The following TENM2 variants were observed in gnomAD, a reference collection of about 807,000 sequenced individuals.
TENM2 encodes teneurin transmembrane protein 2, also known as teneurin-2.
A neutral mutation model predicts 245.2 loss-of-function variants in TENM2; 52 were observed. That is an observed-to-expected ratio of 0.21 (90% CI 0.17 to 0.27). TENM2 has a LOEUF of 0.27. TENM2 is among the 10% of genes least tolerant of loss of function. The probability of loss-of-function intolerance (pLI) is 1.00; values close to 1 mark genes in which losing one functional copy is unlikely to be tolerated. For synonymous variants in TENM2, 1,363 were observed against 1,438.9 expected (o/e 0.95, Z 1.19); for missense variants, 3,046 against 3,666.8 (o/e 0.83, Z 4.37).
chr5:167,163,715 G>A, the TENM2 span, among the ~76,000 whole-genome samples: 2 of 152,126 alleles, frequency 1.3e-5, no homozygotes, highest in Non-Finnish European at 2.9e-5. Context: ...AACATTACAG[G>A]GAAGATTTGG....
At chr5:167,927,047 G>C (rs1777821611) in intron 3 of TENM2, among the ~76,000 whole-genome samples, 1 of 151,946 alleles carries the variant, frequency 6.6e-6, no homozygotes, top group Non-Finnish European at 1.5e-5. Flanking sequence ...GTTTTAATTT[G>C]GACTTCTTGT....
chr5:167,598,914 G>C (rs565778117), intron 2 of TENM2, among the ~76,000 whole-genome samples: 1 of 152,186 alleles, frequency 6.6e-6, no homozygotes, highest in African/African-American at 2.4e-5. Flanking sequence ...TTACATTAAG[G>C]GTTCTTTTGA....
chr5:167,427,822 GGAAGGGACGGGAGGGAAGGAAGGGAA>G (rs1402101230), intron 2 of TENM2, among the ~76,000 whole-genome samples: 135 of 141,190 alleles, frequency 9.6e-4, no homozygotes, highest in African/African-American at 3.5e-3. Flanking sequence ...AGGAAGGGAA[GGAAGGGACGGGAGGGAAGGAAGGGAA>G]GAAGGAAGGA....
At chr5:167,141,432 G>A in the TENM2 span, among the ~76,000 whole-genome samples, 1 of 152,094 alleles carries the variant, frequency 6.6e-6, no homozygotes, top group African/African-American at 2.4e-5. Flanking sequence ...TATTCATACT[G>A]ACCAGGGTAA....
intron 3 of TENM2, among the ~76,000 whole-genome samples, chr5:167,887,118 C>T (rs895263703): frequency 6.6e-6 from 1 of 152,248 alleles, no homozygotes. Context: ...GCTTTCCCAA[C>T]CAACACTGCC....
chr5:167,770,165 T>A (rs1007518684), intron 2 of TENM2, among the ~76,000 whole-genome samples: 1 of 152,124 alleles, frequency 6.6e-6, no homozygotes, highest in Non-Finnish European at 1.5e-5. Flanking sequence ...TGAACAAAGG[T>A]AGGCACAGCC....
intron 7 of TENM2, among the ~76,000 whole-genome samples, chr5:168,073,558 G>T (rs557513182): frequency 1.3e-5 from 2 of 152,174 alleles, no homozygotes; most frequent in African/African-American, 4.8e-5. Flanking sequence ...AGTGACCTAG[G>T]GGGGCAGCCC....
At chr5:168,115,408 G>A (rs11747555) in intron 9 of TENM2, among the ~76,000 whole-genome samples, 34,535 of 122,560 alleles carry the variant, frequency 0.28, 6,419 homozygotes, top group Middle Eastern at 0.32. Flanking sequence ...AAGGAAGGAA[G>A]GGAAAGGAAA....
chr5:167,979,650 A>T (rs898257294), intron 4 of TENM2, among the ~76,000 whole-genome samples: 1 of 152,222 alleles, frequency 6.6e-6, no homozygotes, highest in Non-Finnish European at 1.5e-5. Context: ...CAAAATCATT[A>T]GGTATCTACA....
At chr5:167,426,000 T>G (rs1763792898) in intron 2 of TENM2, among the ~76,000 whole-genome samples, 1 of 152,146 alleles carries the variant, frequency 6.6e-6, no homozygotes, top group Non-Finnish European at 1.5e-5. Context: ...AGGGTTTTTA[T>G]GTATATCACA....
At chr5:168,202,834 A>G (rs1172098269) in intron 17 of TENM2, among the ~76,000 whole-genome samples, 2 of 152,214 alleles carry the variant, frequency 1.3e-5, no homozygotes. Flanking sequence ...TGCAGTAGGA[A>G]CAGCAATAAT....
chr5:167,134,799 A>G, the TENM2 span, among the ~76,000 whole-genome samples: 1 of 152,206 alleles, frequency 6.6e-6, no homozygotes, highest in Non-Finnish European at 1.5e-5. Context: ...GTTTTTTGGT[A>G]GCTAGAATTT....
intron 2 of TENM2, among the ~76,000 whole-genome samples, chr5:167,638,305 C>A (rs1392035190): frequency 2.0e-5 from 3 of 152,140 alleles, no homozygotes; most frequent in Admixed American, 6.5e-5. Flanking sequence ...GCTTTAGGAA[C>A]AAAGGACATC....
At chr5:167,171,408 T>G in the TENM2 span, among the ~76,000 whole-genome samples, 2 of 152,164 alleles carry the variant, frequency 1.3e-5, no homozygotes. Context: ...TTAATTACTT[T>G]TATCAGGCAG....
chr5:168,244,558 G>A lies in TENM2; in HGVS notation c.5659G>A (p.Gly1887Arg), dbSNP rs758087653. ...CCCCTTCCTCTGGCTGCCCAGCAGC[G>A]GGCTGGCAGCTGTCAACGTGTCATA... is the stretch of plus-strand genomic sequence containing the variant. Residue 1887 changes from glycine to arginine, a missense_variant, in exon 26 of 29, where the codon GGG (glycine) becomes AGG (arginine). Physicochemically the swap from Gly to Arg is moderately radical, Grantham distance 125. Around this residue, in one of 2 missense-constraint regions of TENM2, gnomAD observed 2,704 missense variants for 3,331.9 expected, o/e 0.81. Transcript: ENST00000518659. The surrounding 1 kb of genome is among the most constrained non-coding windows in gnomAD (Gnocchi z 4.9). 4.3e-6 allele frequency: 7 copies of A among 1,612,302 alleles called. No individual in the cohort carries two copies. The highest frequency in any genetic ancestry group is 1.3e-5 in the African/African-American group (1 of 75,032).
At chr5:167,180,239 A>G in the TENM2 span, among the ~76,000 whole-genome samples, 5 of 150,902 alleles carry the variant, frequency 3.3e-5, no homozygotes, top group Non-Finnish European at 7.4e-5. Flanking sequence ...CCTCCTGAGT[A>G]GCTGGGATTA....
the TENM2 span, among the ~76,000 whole-genome samples, chr5:167,207,235 A>G: frequency 1.8e-4 from 28 of 152,282 alleles, no homozygotes; most frequent in African/African-American, 6.3e-4. Context: ...TTGCCTTGAA[A>G]CACGTGATGG....
intron 2 of TENM2, among the ~76,000 whole-genome samples, chr5:167,630,250 G>A (rs1452571489): frequency 6.6e-6 from 1 of 151,828 alleles, no homozygotes; most frequent in Non-Finnish European, 1.5e-5. Context: ...TGTGCTTTGG[G>A]GCCATTATCA....
At chr5:168,230,853 C>T (rs546637466) in intron 25 of TENM2, 1 of 152,344 alleles carries the variant, frequency 6.6e-6, no homozygotes, top group African/African-American at 2.4e-5. Flanking sequence ...AGCTATAATA[C>T]AGGCCAAAAG....
Sources: allele counts gnomAD v4.1 joint callset (sites outside exome capture counted in the v4.1 genomes callset), GRCh38; gene constraint gnomAD v4.1.1; regional missense constraint gnomAD v4.1.1; non-coding constraint Gnocchi (gnomAD v3.1); transcripts MANE v1.5; gene names NCBI Gene and HGNC (gene_info 2026-07-23, HGNC 2026-07-21).